PTPRS: variants seen among roughly 807,000 people sequenced by gnomAD.
PTPRS encodes the protein protein tyrosine phosphatase receptor type S, also known as receptor-type tyrosine-protein phosphatase S.
In PTPRS, 63 loss-of-function variants were observed where a neutral mutation model predicts 215.3. The observed-to-expected ratio is 0.29, with a 90% CI of 0.24 to 0.36. PTPRS has a LOEUF of 0.36. PTPRS is among the 10% of genes least tolerant of loss of function. PTPRS has a pLI of 1.00. For missense variants in PTPRS, 2,258 were observed against 2,825.8 expected (o/e 0.80, Z 4.56); for synonymous variants, 1,404 against 1,191.4 (o/e 1.18, Z -3.68).
rs1228933665 is a variant in PTPRS at position 5,222,809 on chromosome 19, G to A, written c.2983C>T (p.Leu995Phe). 3 of 1,597,368 alleles carry A rather than the reference G, an allele frequency of 1.9e-6. No homozygotes were observed. The Admixed American group carries it at 5.0e-5, about 27-fold the overall frequency. ...AAAEPGAENA[L>F]TLQGLKPDTA... ...TCGGGCTTCAGGCCCTGCAGCGTGA[G>A]CGCGTTCTCCGCGCCCGGCTCAGCC... Residue 995 changes from leucine to phenylalanine, a missense_variant, in exon 18 of 38, where the codon CTC becomes TTC. Around this residue, in one of 6 missense-constraint regions of PTPRS, gnomAD observed 361 missense variants for 332.6 expected, o/e 1.09. Coordinates refer to ENST00000262963, the MANE Select transcript of PTPRS (RefSeq NM_002850.4).
In PTPRS at chr19:5,220,249, C is replaced by G; in HGVS notation, c.3549+11G>C. On this transcript the variant is annotated intron_variant, in intron 21 of 37. Coordinates refer to ENST00000262963, the MANE Select transcript of PTPRS (RefSeq NM_002850.4). The stretch of plus-strand genomic sequence containing the variant: ...CATCTGGGCCCTGCGGGTTGGGCCC[C>G]AGGCCCTCACCTCTTCCAGATCCAT... 1.9e-6 allele frequency: 3 copies of G among 1,613,206 alleles called. No homozygotes were observed.
chr19:5,252,229 C>T (rs2045160854), intron 9 of PTPRS, among the ~76,000 whole-genome samples: 1 of 152,094 alleles, frequency 6.6e-6, no homozygotes, highest in Non-Finnish European at 1.5e-5. Context: ...TTATGCCAGT[C>T]CCATCGGCCT....
rs2050586001 is a variant in PTPRS, at chr19:5,338,679, G to A, written c.-95+1985C>T. Among the ~76,000 whole-genome samples, 1 of 151,796 alleles carries A rather than the reference G, an allele frequency of 6.6e-6. No homozygotes were observed. The highest frequency in any genetic ancestry group is 2.4e-5 in the African/African-American group (1 of 41,310). On this transcript the variant is annotated intron_variant, in intron 1 of 37. Transcript: ENST00000262963. This position sits in a 1 kb window ranked among gnomAD's most constrained non-coding sequence, Gnocchi z 4.2. ...GAGCAGAGGGACAGAAGGCAGGCGCGATTGGCAGGGGGAGGGGGGCACAAA... is the reference window on the plus strand; with the variant it reads ...GAGCAGAGGGACAGAAGGCAGGCGCAATTGGCAGGGGGAGGGGGGCACAAA...
intron 1 of PTPRS, among the ~76,000 whole-genome samples, chr19:5,297,885 C>CG (rs1175232914): frequency 6.6e-6 from 1 of 151,484 alleles, no homozygotes; most frequent in Non-Finnish European, 1.5e-5. Context: ...CTCTGCCTCC[C>CG]GGGTTCACAC....
At chr19:5,222,352 GGCCTTCCT>G in intron 18 of PTPRS, 132 bp from the exon 19 acceptor site, 2 of 776,380 alleles carry the variant, frequency 2.6e-6, no homozygotes, top group Non-Finnish European at 4.3e-6. Flanking sequence ...CCATGCCCAC[GGCCTTCCT>G]GCCTGGCCCT....
intron 1 of PTPRS, among the ~76,000 whole-genome samples, chr19:5,328,316 G>GC (rs2050224926): frequency 6.6e-6 from 1 of 151,840 alleles, no homozygotes; most frequent in African/African-American, 2.4e-5. Context: ...CACCATGTTG[G>GC]CCAGGTTGGT....
intron 9 of PTPRS, among the ~76,000 whole-genome samples, chr19:5,252,195 T>C (rs1446999798): frequency 1.3e-5 from 2 of 152,128 alleles, no homozygotes; most frequent in Admixed American, 6.5e-5. Context: ...TTTCTTAGCT[T>C]AGCACTCAAG....
At position 5,205,839 on chromosome 19, in the gene PTPRS, C is replaced by A. The variant is rs1410644015; in HGVS notation, c.*935G>T. 6.6e-6 allele frequency among the ~76,000 whole-genome samples: 1 copy of A among 152,044 alleles called. No individual in the cohort carries two copies. Among genetic ancestry groups the A allele is most frequent in the Non-Finnish European group, 1.5e-5 (1 of 67,994 alleles). The stretch of plus-strand genomic sequence containing the variant: ...ACAGCTCAGGCTCTCAGAGGAGGAC[C>A]ACTGTCATCTCTCTCCTCTTACAGC... On this transcript the variant is annotated 3_prime_UTR_variant, in exon 38 of 38. Coordinates refer to ENST00000262963, the MANE Select transcript of PTPRS (RefSeq NM_002850.4).
At chr19:5,213,112 C>A (rs1335339959) in intron 30 of PTPRS, among the ~76,000 whole-genome samples, 1 of 152,216 alleles carries the variant, frequency 6.6e-6, no homozygotes. Context: ...ACTGTCGGCT[C>A]TGCCTTCAAA....
rs547724433 is a variant in PTPRS at position 5,288,648 on chromosome 19, G to C, written c.-94-2414C>G. Among the ~76,000 whole-genome samples, 11 of 152,338 alleles carry C rather than the reference G, an allele frequency of 7.2e-5. No individual in the cohort carries two copies. In the East Asian group the frequency reaches 2.1e-3, roughly 29 times the overall value. ...GGTCAGTCCCAGACCACTTTGAGCA[G>C]CTGGGCAGGCCTGCAGAGAGCCTCT... On this transcript the variant is annotated intron_variant, in intron 1 of 37. Coordinates refer to ENST00000262963, the MANE Select transcript of PTPRS (RefSeq NM_002850.4).
chr19:5,226,783 A>G (rs893542538), intron 16 of PTPRS, among the ~76,000 whole-genome samples: 4 of 152,088 alleles, frequency 2.6e-5, no homozygotes, highest in African/African-American at 9.7e-5. Context: ...CTTACAATCA[A>G]CTAAGTTATA....
chr19:5,225,720 T>G lies in PTPRS; in HGVS notation c.2494+7A>C, dbSNP rs775690657. On this transcript the variant is annotated splice_region_variant and intron_variant, in intron 17 of 37. Transcript: ENST00000262963. Reference sequence around the variant, plus strand: ...GTTGGTGGGTGGGAGGAGGGCGGGTTGCATACCTGCTCCCTTGGTCACAAC... The same window carrying G: ...GTTGGTGGGTGGGAGGAGGGCGGGTGGCATACCTGCTCCCTTGGTCACAAC... 1.2e-6 allele frequency: 2 copies of G among 1,612,366 alleles called. No homozygotes were observed. Among genetic ancestry groups the G allele is most frequent in the Non-Finnish European group, 1.7e-6 (2 of 1,178,560 alleles).
At chr19:5,220,415 TG>T (rs1318970240) in intron 20 of PTPRS, 62 bp from the exon 21 acceptor site, 3 of 1,390,462 alleles carry the variant, frequency 2.2e-6, no homozygotes, top group Non-Finnish European at 3.0e-6. Flanking sequence ...GGATGCTTCA[TG>T]GGGGCAAACG....
chr19:5,218,859 C>T (rs1007395444), intron 23 of PTPRS, 61 bp from the exon 24 acceptor site: 24 of 1,522,940 alleles, frequency 1.6e-5, no homozygotes, highest in Middle Eastern at 3.5e-4. Context: ...TGAGGGTGTG[C>T]CGGCCATCAA....
At chr19:5,217,571 A>G (rs1310916500) in intron 25 of PTPRS, among the ~76,000 whole-genome samples, 1 of 152,220 alleles carries the variant, frequency 6.6e-6, no homozygotes, top group Non-Finnish European at 1.5e-5. Flanking sequence ...CAGGAATGGC[A>G]TGTGAGGCTA....
intron 9 of PTPRS, among the ~76,000 whole-genome samples, chr19:5,250,104 G>A (rs73545326): frequency 0.012 from 1,837 of 152,268 alleles, 33 homozygotes; most frequent in African/African-American, 0.039. Flanking sequence ...CAACATGGCC[G>A]GCAACCATCA....
At chr19:5,228,345 GAGAAA>G (rs2042694256) in intron 16 of PTPRS, among the ~76,000 whole-genome samples, 1 of 33,244 alleles carries the variant, frequency 3.0e-5, no homozygotes, top group African/African-American at 9.5e-5. Context: ...ACTCCGTCTG[GAGAAA>G]AAAAAAAAAA....
chr19:5,220,145 C>A lies in PTPRS; in HGVS notation c.3559G>T (p.Asp1187Tyr). 1.2e-6 allele frequency: 2 copies of A among 1,611,240 alleles called. No individual in the cohort carries two copies. The highest frequency in any genetic ancestry group is 2.2e-5 in the South Asian group (2 of 91,042). ...CTGCGCCTCTGTAGCCGTGAGATGT[C>A]CTGGATGAGCTGCGGGAACAGAGTC... ...EDMDLEELIQ[D>Y]ISRLQRRSLR... The change falls in exon 22 of 38, where the codon GAC (aspartate) becomes TAC (tyrosine). Residue 1187 changes from aspartate (D) to tyrosine (Y), a missense_variant. Physicochemically the swap from Asp to Tyr is radical, Grantham distance 160 (BLOSUM62 -3). Around this residue, in one of 6 missense-constraint regions of PTPRS, gnomAD observed 927 missense variants for 1,125.9 expected, o/e 0.82. Coordinates refer to ENST00000262963, the MANE Select transcript of PTPRS (RefSeq NM_002850.4).
At chr19:5,309,157 G>C (rs77813140) in intron 1 of PTPRS, among the ~76,000 whole-genome samples, 11 of 151,870 alleles carry the variant, frequency 7.2e-5, no homozygotes, top group Non-Finnish European at 1.3e-4. Context: ...AGGGAGGAAG[G>C]GGGGGTTGGC....
Sources: gnomAD v4.1 joint callset for allele counts (sites outside exome capture counted in the v4.1 genomes callset) on GRCh38, gnomAD v4.1.1 for gene constraint, gnomAD v4.1.1 regional missense constraint, Gnocchi (gnomAD v3.1) non-coding constraint, MANE v1.5 for transcripts, NCBI Gene and HGNC (gene_info 2026-07-23, HGNC 2026-07-21) for gene names.